Variants in COL23A1 observed in about 807,000 individuals in gnomAD.
COL23A1 encodes the protein collagen type XXIII alpha 1 chain.
In COL23A1, 97 loss-of-function variants were observed where a neutral mutation model predicts 99.3. That is an observed-to-expected ratio of 0.98 (90% CI 0.83 to 1.16). The LOEUF is 1.16. COL23A1 is among the 50% of genes most tolerant of loss of function. COL23A1 has a pLI of 0.00. For missense variants in COL23A1, 762 were observed against 757.4 expected, an observed-to-expected ratio of 1.01 and a Z score of -0.07; for synonymous variants, 320 against 308.2, an observed-to-expected ratio of 1.04 and a Z score of -0.40.
intron 2 of COL23A1, among the ~76,000 whole-genome samples, chr5:178,531,522 G>A (rs1760650091): frequency 1.3e-5 from 2 of 152,316 alleles, no homozygotes; most frequent in Middle Eastern, 3.4e-3. Flanking sequence ...CCCCTGAGCA[G>A]ATACACCAGC....
intron 2 of COL23A1, among the ~76,000 whole-genome samples, chr5:178,511,606 G>A (rs1387797158): frequency 6.6e-6 from 1 of 152,160 alleles, no homozygotes; most frequent in Non-Finnish European, 1.5e-5. Context: ...CCTGGAGGAG[G>A]TTAAACTCTG....
At chr5:178,363,611 C>T (rs547921499) in intron 2 of COL23A1, among the ~76,000 whole-genome samples, 1 of 152,300 alleles carries the variant, frequency 6.6e-6, no homozygotes, top group East Asian at 1.9e-4. Flanking sequence ...AGTCCAAATA[C>T]ACTGGAATTA....
At chr5:178,291,342 C>T (rs1757448469) in intron 3 of COL23A1, among the ~76,000 whole-genome samples, 1 of 152,196 alleles carries the variant, frequency 6.6e-6, no homozygotes, top group Non-Finnish European at 1.5e-5. Flanking sequence ...AGCCCTGGCT[C>T]ATGAATGTTG....
chr5:178,553,894 G>A (rs924196696), intron 2 of COL23A1, among the ~76,000 whole-genome samples: 4 of 152,170 alleles, frequency 2.6e-5, no homozygotes, highest in African/African-American at 9.7e-5. Context: ...CCCGACTGAT[G>A]GCGACGGACC....
chr5:178,559,042 G>A (rs969180517), intron 2 of COL23A1, among the ~76,000 whole-genome samples: 4 of 152,180 alleles, frequency 2.6e-5, no homozygotes, highest in South Asian at 2.1e-4. Flanking sequence ...CACCTGCCTC[G>A]GCCTCCCAAA....
chr5:178,267,897 T>C (rs1310276370), intron 7 of COL23A1, among the ~76,000 whole-genome samples: 1 of 152,056 alleles, frequency 6.6e-6, no homozygotes, highest in Non-Finnish European at 1.5e-5. Context: ...TGTGGCTCCG[T>C]GAGATTGGTC....
intron 2 of COL23A1, among the ~76,000 whole-genome samples, chr5:178,522,842 TC>T (rs1042453141): frequency 4.2e-4 from 64 of 151,632 alleles, no homozygotes; most frequent in Non-Finnish European, 7.7e-4. Context: ...CATTCAAGTC[TC>T]CCCCCAGTCT....
intron 2 of COL23A1, among the ~76,000 whole-genome samples, chr5:178,484,918 A>G (rs1292242401): frequency 6.6e-6 from 1 of 152,014 alleles, no homozygotes; most frequent in Non-Finnish European, 1.5e-5. Flanking sequence ...AGTCCAGCAT[A>G]TCGGAAGTGT....
chr5:178,511,932 T>C (rs1759226903), intron 2 of COL23A1, among the ~76,000 whole-genome samples: 1 of 152,234 alleles, frequency 6.6e-6, no homozygotes. Flanking sequence ...CAGATGAAGA[T>C]GGGCACTCTT....
chr5:178,411,182 C>A (rs891705570), intron 2 of COL23A1, among the ~76,000 whole-genome samples: 2 of 152,144 alleles, frequency 1.3e-5, no homozygotes, highest in South Asian at 2.1e-4. Context: ...AAAATTGGAA[C>A]CTTTGTACAC....
chr5:178,344,121 A>G (rs1324816879), intron 2 of COL23A1, among the ~76,000 whole-genome samples: 1 of 152,180 alleles, frequency 6.6e-6, no homozygotes, highest in African/African-American at 2.4e-5. Flanking sequence ...TAATATAAGT[A>G]TGGTCATCCC....
At chr5:178,538,270 C>T (rs1002475549) in intron 2 of COL23A1, among the ~76,000 whole-genome samples, 13 of 152,194 alleles carry the variant, frequency 8.5e-5, no homozygotes, top group African/African-American at 2.7e-4. Flanking sequence ...AGAAACTTAA[C>T]GCCTCTCTAC....
intron 2 of COL23A1, among the ~76,000 whole-genome samples, chr5:178,492,555 G>A (rs1757987235): frequency 1.3e-5 from 2 of 152,032 alleles, no homozygotes; most frequent in African/African-American, 4.8e-5. Context: ...TGTTATGGCA[G>A]CTCAAGCAAA....
chr5:178,290,271 C>T (rs1244311290), intron 4 of COL23A1, 91 bp downstream of exon 4: 1 of 1,593,284 alleles, frequency 6.3e-7, no homozygotes, highest in Non-Finnish European at 8.6e-7. Flanking sequence ...GACACACCTC[C>T]CTAACCAAAA....
At chr5:178,570,629 G>A (rs1316861536) in intron 1 of COL23A1, among the ~76,000 whole-genome samples, 1 of 152,158 alleles carries the variant, frequency 6.6e-6, no homozygotes, top group Non-Finnish European at 1.5e-5. Flanking sequence ...AGCCACAAAT[G>A]TATTCCTGCA....
At chr5:178,303,416 G>A (rs923450979) in intron 3 of COL23A1, among the ~76,000 whole-genome samples, 2 of 152,196 alleles carry the variant, frequency 1.3e-5, no homozygotes, top group East Asian at 1.9e-4. Context: ...CATTTCTTGG[G>A]CTGTGGCAAA....
At chr5:178,247,921 G>C in intron 20 of COL23A1, 90 bp from the exon 21 acceptor site, 1 of 1,168,760 alleles carries the variant, frequency 8.6e-7, no homozygotes, top group Non-Finnish European at 1.2e-6. Context: ...TGGATCGAGA[G>C]TCTCCTTCCT....
intron 1 of COL23A1, among the ~76,000 whole-genome samples, chr5:178,578,516 G>A (rs1469896327): frequency 6.6e-6 from 1 of 152,148 alleles, no homozygotes; most frequent in South Asian, 2.1e-4. Context: ...TGTTCCTCCC[G>A]GGAGGCCCAA....
At chr5:178,283,539 C>G (rs2127578962) in intron 5 of COL23A1, among the ~76,000 whole-genome samples, 1 of 152,306 alleles carries the variant, frequency 6.6e-6, no homozygotes, top group East Asian at 1.9e-4. Flanking sequence ...TCATCACATC[C>G]TTGTTTTATT....
Sources: allele counts gnomAD v4.1 joint callset (sites outside exome capture counted in the v4.1 genomes callset), GRCh38; gene constraint gnomAD v4.1.1; transcripts MANE v1.5; gene names NCBI Gene and HGNC (gene_info 2026-07-23, HGNC 2026-07-21).